Variants in EVA1C observed in about 807,000 individuals in gnomAD.
EVA1C encodes eva-1 homolog C, also known as protein eva-1 homolog C.
Under a neutral mutation model 45.4 loss-of-function variants are expected in EVA1C, and 25 were observed. That is an observed-to-expected ratio of 0.55 (90% CI 0.40 to 0.77). EVA1C has a LOEUF of 0.77. EVA1C is among the 30% of genes least tolerant of loss of function. The probability of loss-of-function intolerance (pLI) is 0.00; values close to 1 mark genes in which losing one functional copy is unlikely to be tolerated. For synonymous variants in EVA1C, 190 were observed against 221.2 expected, an observed-to-expected ratio of 0.86 and a Z score of 1.25; for missense variants, 479 against 554.8, an observed-to-expected ratio of 0.86 and a Z score of 1.37.
chr21:32,496,854 A>C, intron 5 of EVA1C: 1 of 941,130 alleles, frequency 1.1e-6, no homozygotes, highest in Non-Finnish European at 1.8e-6. Context: ...GCATAGTGAC[A>C]GCTAAATCTG....
At chr21:32,497,492 A>G (rs1434273039) in intron 5 of EVA1C, among the ~76,000 whole-genome samples, 1 of 152,216 alleles carries the variant, frequency 6.6e-6, no homozygotes, top group East Asian at 1.9e-4. Context: ...ATTTTCACCC[A>G]TGCTCTTGTG....
At chr21:32,416,131 A>G (rs1410943579) in intron 1 of EVA1C, among the ~76,000 whole-genome samples, 1 of 148,768 alleles carries the variant, frequency 6.7e-6, no homozygotes, top group Non-Finnish European at 1.5e-5. Context: ...GGATCCTCAT[A>G]TTTTTGCCTT....
chr21:32,509,289 C>G (rs1306593651), intron 7 of EVA1C, among the ~76,000 whole-genome samples: 1 of 152,232 alleles, frequency 6.6e-6, no homozygotes, highest in Admixed American at 6.5e-5. Flanking sequence ...ACTTGCCAAG[C>G]ATTGCCCATA....
rs563554190 is a variant in EVA1C, at chr21:32,491,106, C to A, written c.635-3921C>A. On this transcript the variant is annotated intron_variant, in intron 4 of 7. Transcript: ENST00000300255. ...GAGAGAAGGAAACCACTGACTGCCG[C>A]CTGGGAGATGGTACAACTGAGAAGA... 3.3e-5 allele frequency among the ~76,000 whole-genome samples: 5 copies of A among 152,296 alleles called. No homozygotes were observed. In the East Asian group the frequency reaches 9.6e-4, roughly 29 times the overall value.
chr21:32,483,634 C>A lies in EVA1C; in HGVS notation c.635-11393C>A, dbSNP rs117296851. Reference sequence around the variant, plus strand: ...CTAATGCCCTTGGAGCATCCTTTCTCAGCATAGATTCGATCTCACAGATCA... The same window carrying A: ...CTAATGCCCTTGGAGCATCCTTTCTAAGCATAGATTCGATCTCACAGATCA... On this transcript the variant is annotated intron_variant, in intron 4 of 7. Transcript: ENST00000300255. Among the ~76,000 whole-genome samples, 818 of 152,308 alleles carry A rather than the reference C, an allele frequency of 5.4e-3. 17 individuals carry two copies. Among genetic ancestry groups the A allele is most frequent in the Admixed American group, 0.034 (517 of 15,306 alleles).
intron 1 of EVA1C, among the ~76,000 whole-genome samples, chr21:32,425,448 T>G (rs2034454808): frequency 6.6e-6 from 1 of 151,500 alleles, no homozygotes; most frequent in African/African-American, 2.4e-5. Flanking sequence ...CCTCCCAAAG[T>G]GCTGGGATTA....
At chr21:32,414,261 A>G (rs1430599485) in intron 1 of EVA1C, among the ~76,000 whole-genome samples, 2 of 152,206 alleles carry the variant, frequency 1.3e-5, no homozygotes, top group Non-Finnish European at 2.9e-5. Context: ...CTCTGTGGTA[A>G]GAGTTGTGGG....
chr21:32,472,883 C>T (rs2036427846), intron 4 of EVA1C, among the ~76,000 whole-genome samples: 1 of 152,230 alleles, frequency 6.6e-6, no homozygotes, highest in Non-Finnish European at 1.5e-5. Context: ...TTCTCCCTCA[C>T]AATCAAGCAC....
chr21:32,509,453 A>G (rs1367515054), intron 7 of EVA1C, among the ~76,000 whole-genome samples: 4 of 152,196 alleles, frequency 2.6e-5, no homozygotes, highest in Admixed American at 2.0e-4. Flanking sequence ...CCCACCTCCC[A>G]GGAGAAGAGG....
chr21:32,509,034 A>T (rs2037863161), intron 7 of EVA1C, among the ~76,000 whole-genome samples: 1 of 152,244 alleles, frequency 6.6e-6, no homozygotes, highest in Non-Finnish European at 1.5e-5. Context: ...GAGCCACAAA[A>T]GTATAAAGTA....
chr21:32,426,437 T>G (rs899823177), intron 1 of EVA1C, among the ~76,000 whole-genome samples: 8 of 151,692 alleles, frequency 5.3e-5, no homozygotes, highest in Admixed American at 6.6e-5. Flanking sequence ...TTTTTTTTTT[T>G]GGCATCTCCC....
chr21:32,412,931 G>A lies in EVA1C; in HGVS notation c.78G>A (p.Glu26=), dbSNP rs1160221637. 3.3e-6 allele frequency: 5 copies of A among 1,532,624 alleles called. No homozygotes were observed. Among genetic ancestry groups the A allele is most frequent in the Non-Finnish European group, 3.5e-6 (4 of 1,141,898 alleles). 94.9% of individuals were successfully genotyped at this position (1,532,624 alleles called of 1,614,324 possible). ...ATCCCGGCCTCCGCCGGCAGGTAGA[G>A]CCGCCGGGGCAGCTCCTGCGCCTCT... ...VQHPGLRRQV[E]PPGQLLRLFY... The change falls in exon 1 of 8, where the codon GAG becomes GAA. Residue 26 remains glutamate (E), a synonymous_variant. Coordinates refer to ENST00000300255, the MANE Select transcript of EVA1C (RefSeq NM_058187.5).
rs374242700 is a variant in EVA1C at position 32,457,608 on chromosome 21, C to G, written c.369C>G (p.Asp123Glu). 5.6e-6 allele frequency: 9 copies of G among 1,614,054 alleles called. No individual in the cohort carries two copies. The South Asian group carries it at 8.8e-5, about 16-fold the overall frequency. ...VAATTFQKVLDECQNQRACHL... is the reference protein window; with the variant it reads ...VAATTFQKVLEECQNQRACHL... Reference sequence around the variant, plus strand: ...CCCTCTCCTTCTAGAAGGTGCTGGACGAATGCCAGAACCAGCGGGCCTGCC... The same window carrying G: ...CCCTCTCCTTCTAGAAGGTGCTGGAGGAATGCCAGAACCAGCGGGCCTGCC... Residue 123 changes from aspartate (D) to glutamate (E), a missense_variant, in exon 3 of 8, where the codon GAC (aspartate) becomes GAG (glutamate). This residue lies in a region of EVA1C where 366 missense variants were observed against 426.1 expected (regional missense o/e 0.86). Transcript: ENST00000300255.
chr21:32,432,300 C>T (rs759494511), intron 1 of EVA1C, among the ~76,000 whole-genome samples: 20 of 151,972 alleles, frequency 1.3e-4, no homozygotes, highest in Admixed American at 6.6e-5. Context: ...TTGCAGAAGC[C>T]GTCATCAGCC....
rs1405939876 is a variant in EVA1C at position 32,500,219 on chromosome 21, A to G, written c.779-1196A>G. Among the ~76,000 whole-genome samples the G allele has an allele frequency of 4.2e-5, 4 of 95,786 alleles. No homozygotes were observed. The South Asian group carries it at 1.1e-3, about 26-fold the overall frequency. 62.8% of individuals were successfully genotyped at this position (95,786 alleles called of 152,430 possible). ...TTTTTTTTTTTTTTTTTTTTTTGAG[A>G]TAGAGTCTTTCTCTGTCACCCAGGC... is the stretch of plus-strand genomic sequence containing the variant. On this transcript the variant is annotated intron_variant, in intron 5 of 7. Transcript: ENST00000300255.
chr21:32,434,327 C>T (rs1337243317), intron 1 of EVA1C, among the ~76,000 whole-genome samples: 1 of 130,236 alleles, frequency 7.7e-6, no homozygotes, highest in Non-Finnish European at 1.7e-5. Context: ...CGTGGTGGCT[C>T]ATGCCTGTAA....
chr21:32,461,676 C>T (rs1341655023), intron 3 of EVA1C, among the ~76,000 whole-genome samples: 2 of 152,160 alleles, frequency 1.3e-5, no homozygotes, highest in Non-Finnish European at 2.9e-5. Flanking sequence ...AGTATTTACA[C>T]CAGGGAAATG....
At chr21:32,492,774 T>A (rs976621562) in intron 4 of EVA1C, among the ~76,000 whole-genome samples, 1 of 151,828 alleles carries the variant, frequency 6.6e-6, no homozygotes, top group African/African-American at 2.4e-5. Flanking sequence ...ACTTCCCTCA[T>A]CTCTCAGTAG....
rs939882140 is a variant in EVA1C at position 32,500,629 on chromosome 21, A to AC, written c.779-779dup. 5.6e-5 allele frequency among the ~76,000 whole-genome samples: 7 copies of AC among 125,006 alleles called. No homozygotes were observed. The East Asian group carries it at 1.0e-3, about 18-fold the overall frequency. 82.0% of individuals were successfully genotyped at this position (125,006 alleles called of 152,430 possible). A position where few individuals can be genotyped will look rare whatever the true frequency, so the allele number is the denominator to read the frequency against. ...CATTTGCCGTCACTGCCCCATTCCCACCCCCCCGGTCCCAGATAACCACGC... is the reference window on the plus strand; with the variant it reads ...CATTTGCCGTCACTGCCCCATTCCCACCCCCCCCGGTCCCAGATAACCACGC... On this transcript the variant is annotated intron_variant, in intron 5 of 7. Transcript: ENST00000300255.
Sources: gnomAD v4.1 joint callset for allele counts (sites outside exome capture counted in the v4.1 genomes callset) on GRCh38, gnomAD v4.1.1 for gene constraint, gnomAD v4.1.1 regional missense constraint, MANE v1.5 for transcripts, NCBI Gene and HGNC (gene_info 2026-07-23, HGNC 2026-07-21) for gene names.